CACNA1S: variants seen among roughly 807,000 people sequenced by gnomAD.
The protein encoded by CACNA1S is voltage-dependent L-type calcium channel subunit alpha-1S.
A neutral mutation model predicts 207.4 loss-of-function variants in CACNA1S; 126 were observed. That is an observed-to-expected ratio of 0.61 (90% confidence interval 0.53 to 0.70). The LOEUF is 0.70. Ranked by LOEUF, CACNA1S falls within the 30% of genes least tolerant of loss-of-function variation. The probability of loss-of-function intolerance (pLI) is 0.00; values close to 1 mark genes in which losing one functional copy is unlikely to be tolerated. For synonymous variants in CACNA1S, 960 were observed against 932.7 expected (o/e 1.03, Z -0.53); for missense variants, 2,349 against 2,422.8 (o/e 0.97, Z 0.64).
chr1:201,101,548 C>A (rs551444128), intron 2 of CACNA1S, among the ~76,000 whole-genome samples: 1 of 152,370 alleles, frequency 6.6e-6, no homozygotes. Context: ...GGGGCAGGGC[C>A]GGGTGGCCCT....
intron 7 of CACNA1S, 142 bp from the exon 8 acceptor site, chr1:201,085,723 G>A: frequency 1.1e-6 from 1 of 903,548 alleles, no homozygotes; most frequent in Non-Finnish European, 1.7e-6. Context: ...TGGGGTCCAG[G>A]TGCCCCTCAA....
intron 28 of CACNA1S, among the ~76,000 whole-genome samples, chr1:201,054,828 T>C (rs1035518343): frequency 1.3e-5 from 2 of 152,198 alleles, no homozygotes; most frequent in African/African-American, 2.4e-5. Context: ...GACAGATCCC[T>C]TCTCATTTTG....
intron 22 of CACNA1S, among the ~76,000 whole-genome samples, chr1:201,063,738 C>A (rs890710149): frequency 6.6e-6 from 1 of 152,208 alleles, no homozygotes; most frequent in Non-Finnish European, 1.5e-5. Context: ...GCTGCCCCTG[C>A]CACACAGATC....
Position 201,062,154 on chromosome 1 carries a change from C to T in CACNA1S, c.2907-64G>A, listed in dbSNP as rs570315279. The T allele has an allele frequency of 5.1e-6, 8 of 1,581,014 alleles. No homozygotes were observed. In the Admixed American group the frequency reaches 1.1e-4, roughly 21 times the overall value. ...TGGGCTGCCTTGCCCCACCCACATC[C>T]TCTGGGCCCTGGGTGGGGAGTGTGA... On this transcript the variant is annotated intron_variant, in intron 23 of 43. Transcript: ENST00000362061.
Position 201,085,514 on chromosome 1 carries a change from G to T in CACNA1S, c.1072C>A (p.Gln358Lys), listed in dbSNP as rs889216782. 6.2e-7 allele frequency: 1 copy of T among 1,613,166 alleles called. No homozygotes were observed. The highest frequency in any genetic ancestry group is 2.2e-5 in the East Asian group (1 of 44,858). Residue 358 changes from glutamine to lysine, a missense_variant, in exon 8 of 44, where the codon CAA becomes AAA. Transcript: ENST00000362061. ...GTFQKLREKQ[Q>K]LDEDLRGYMS... ...TAGCCCCGAAGGTCCTCATCTAGTT[G>T]CTGCTTCTCCCGGAGCTTCTGGAAG...
chr1:201,080,647 T>C (rs1661809559), intron 10 of CACNA1S, among the ~76,000 whole-genome samples: 2 of 152,352 alleles, frequency 1.3e-5, no homozygotes, highest in South Asian at 2.1e-4. Flanking sequence ...TGTTCTATCA[T>C]CTCAGGTTTT....
chr1:201,056,998 CT>C (rs1478559869), intron 28 of CACNA1S, among the ~76,000 whole-genome samples: 9 of 152,234 alleles, frequency 5.9e-5, no homozygotes, highest in Non-Finnish European at 7.3e-5. Context: ...CGGGAACCCC[CT>C]GACTGCTCTC....
intron 22 of CACNA1S, among the ~76,000 whole-genome samples, chr1:201,063,181 TTA>T (rs2102577983): frequency 6.6e-6 from 1 of 152,256 alleles, no homozygotes; most frequent in African/African-American, 2.4e-5. Flanking sequence ...AGAATTTTTT[TTA>T]AATTATACTT....
chr1:201,079,940 T>C (rs554328070), intron 10 of CACNA1S, among the ~76,000 whole-genome samples: 25 of 152,296 alleles, frequency 1.6e-4, no homozygotes, highest in African/African-American at 5.8e-4. Context: ...ACCAACCCTA[T>C]CTCAAGACTG....
intron 10 of CACNA1S, among the ~76,000 whole-genome samples, chr1:201,082,463 A>G (rs1396754841): frequency 1.3e-5 from 2 of 152,132 alleles, no homozygotes; most frequent in Admixed American, 6.5e-5. Flanking sequence ...TAACGTCTTC[A>G]TATCTTTGCA....
At chr1:201,095,213 C>G (rs1290088870) in intron 2 of CACNA1S, among the ~76,000 whole-genome samples, 2 of 151,462 alleles carry the variant, frequency 1.3e-5, no homozygotes, top group Non-Finnish European at 2.9e-5. Context: ...CACACACATA[C>G]AGATCTATCC....
intron 5 of CACNA1S, among the ~76,000 whole-genome samples, chr1:201,091,212 T>C (rs761047203): frequency 2.6e-4 from 39 of 152,226 alleles, no homozygotes; most frequent in Middle Eastern, 3.2e-3. Flanking sequence ...CATTTGGCTC[T>C]TGGGTGTTTT....
chr1:201,039,839 T>C lies in CACNA1S; in HGVS notation c.5614A>G (p.Arg1872Gly), dbSNP rs143345409. ...QGSQETLIPP[R>G]L ...CTGATGCTGTGTGGGCATCACAGCC[T>C]TGGAGGAATAAGGGTCTCCTGGGAG... The change falls in exon 44 of 44, where the codon AGG (arginine) becomes GGG (glycine). Residue 1872 changes from arginine to glycine, a missense_variant. Physicochemically the swap from Arg to Gly is moderately radical, Grantham distance 125. Coordinates refer to ENST00000362061, the MANE Select transcript of CACNA1S (RefSeq NM_000069.3). 5 of 1,604,890 alleles carry C rather than the reference T, an allele frequency of 3.1e-6. No individual in the cohort carries two copies. Among genetic ancestry groups the C allele is most frequent in the Middle Eastern group, 3.3e-4 (2 of 6,080 alleles).
Position 201,065,894 on chromosome 1 carries a change from G to C in CACNA1S, c.2797C>G (p.Leu933Val). 1.2e-6 allele frequency: 2 copies of C among 1,614,122 alleles called. No homozygotes were observed. The highest frequency in any genetic ancestry group is 1.7e-6 in the Non-Finnish European group (2 of 1,179,978). ...VAISTIGNIV[L>V]VTTLLQFMFA... ...ATGAACTGTAGGAGGGTAGTGACCA[G>C]CACGATGTTCCCGATGGTGCTGATG... Residue 933 changes from leucine to valine, a missense_variant, in exon 22 of 44, where the codon CTG becomes GTG. Coordinates refer to ENST00000362061, the MANE Select transcript of CACNA1S (RefSeq NM_000069.3).
chr1:201,039,601 A>T lies in CACNA1S; in HGVS notation c.*230T>A. 1.6e-6 allele frequency: 1 copy of T among 607,594 alleles called. No individual in the cohort carries two copies. Among genetic ancestry groups the T allele is most frequent in the East Asian group, 2.8e-5 (1 of 36,124 alleles). The allele number at this position is 607,594 out of a possible 1,614,324, so 37.6% of individuals were successfully genotyped here. A position where few individuals can be genotyped will look rare whatever the true frequency, so the allele number is the denominator to read the frequency against. On this transcript the variant is annotated 3_prime_UTR_variant, in exon 44 of 44. Coordinates refer to ENST00000362061, the MANE Select transcript of CACNA1S (RefSeq NM_000069.3). ...GGCACTGACCAGGCCTTTTTGAATG[A>T]CATTAGAAGCTCCATCCAATCATGC... is the stretch of plus-strand genomic sequence containing the variant.
chr1:201,105,282 G>A (rs1662835927), intron 2 of CACNA1S, among the ~76,000 whole-genome samples: 1 of 152,168 alleles, frequency 6.6e-6, no homozygotes. Context: ...AGGCTTTTTG[G>A]CTGGTGAGCC....
Position 201,053,673 on chromosome 1 carries a change from G to T in CACNA1S, c.3667-86C>A, listed in dbSNP as rs1660737693. ...GGGCGGGGAGGGAGGTGCACTGTGTGTTTTGGGGAGATGTTTGTGGCATGG... is the reference window on the plus strand; with the variant it reads ...GGGCGGGGAGGGAGGTGCACTGTGTTTTTTGGGGAGATGTTTGTGGCATGG... On this transcript the variant is annotated intron_variant, in intron 29 of 43. Transcript: ENST00000362061. The surrounding 1 kb of genome is among the most constrained non-coding windows in gnomAD (Gnocchi z 5.1). 7.1e-7 allele frequency: 1 copy of T among 1,408,238 alleles called. No individual in the cohort carries two copies. The highest frequency in any genetic ancestry group is 9.9e-7 in the Non-Finnish European group (1 of 1,013,076). The allele number at this position is 1,408,238 out of a possible 1,614,324, so 87.2% of individuals were successfully genotyped here. A position where few individuals can be genotyped will look rare whatever the true frequency, so the allele number is the denominator to read the frequency against.
Position 201,078,158 on chromosome 1 carries a change from C to G in CACNA1S, c.1394-54G>C, listed in dbSNP as rs1386310638. 4.0e-5 allele frequency: 56 copies of G among 1,414,146 alleles called. No individual in the cohort carries two copies. In the East Asian group the frequency reaches 1.2e-3, roughly 31 times the overall value. 87.6% of individuals were successfully genotyped at this position (1,414,146 alleles called of 1,614,324 possible). On this transcript the variant is annotated intron_variant, in intron 10 of 43. Transcript: ENST00000362061. Reference sequence around the variant, plus strand: ...TCACTCTCCTTCCCTTCTCCTGACTCCCAGCCTTGGCTGTGGCTGGGCCTC... The same window carrying G: ...TCACTCTCCTTCCCTTCTCCTGACTGCCAGCCTTGGCTGTGGCTGGGCCTC...
Position 201,046,733 on chromosome 1 carries a change from C to T in CACNA1S, c.4668+382G>A, listed in dbSNP as rs200081625. Among the ~76,000 whole-genome samples the T allele has an allele frequency of 5.9e-5, 9 of 152,014 alleles. No homozygotes were observed. The East Asian group carries it at 1.2e-3, about 20-fold the overall frequency. ...ATTTTTGGTAGAGATGGGGTTTCGC[C>T]GTGTTGGCCAGGCTGGTCTTGAACT... On this transcript the variant is annotated intron_variant, in intron 38 of 43. Coordinates refer to ENST00000362061, the MANE Select transcript of CACNA1S (RefSeq NM_000069.3).
Sources: gnomAD v4.1 joint callset for allele counts (sites outside exome capture counted in the v4.1 genomes callset) on GRCh38, gnomAD v4.1.1 for gene constraint, Gnocchi (gnomAD v3.1) non-coding constraint, MANE v1.5 for transcripts, NCBI Gene and HGNC (gene_info 2026-07-23, HGNC 2026-07-21) for gene names.